PCDHA5: variants seen among roughly 807,000 people sequenced by gnomAD.
PCDHA5 encodes protocadherin alpha 5, also known as protocadherin alpha-5.
A neutral mutation model predicts 61.6 loss-of-function variants in PCDHA5; 43 were observed. The observed-to-expected ratio is 0.70, with a 90% confidence interval of 0.55 to 0.90. PCDHA5 has a LOEUF of 0.90. Among genes scored for constraint, PCDHA5 ranks in the 40% least tolerant of loss-of-function variants. The pLI is 0.00. For synonymous variants in PCDHA5, 627 were observed against 543.9 expected, an observed-to-expected ratio of 1.15 and a Z score of -2.13; for missense variants, 1,298 against 1,222.7, an observed-to-expected ratio of 1.06 and a Z score of -0.92.
chr5:140,863,494 C>T (rs1203332871), intron 1 of PCDHA5: 2 of 442,624 alleles, frequency 4.5e-6, no homozygotes, highest in East Asian at 6.0e-5. Context: ...GTCAACATTA[C>T]GGCTTTTAGT....
intron 1 of PCDHA5, chr5:140,870,708 C>G (rs781841032): frequency 1.8e-5 from 29 of 1,612,898 alleles, no homozygotes; most frequent in Non-Finnish European, 2.5e-5. Context: ...TCCAGGTGAG[C>G]GCGCGCGATG....
chr5:140,848,211 A>C, intron 1 of PCDHA5: 1 of 353,668 alleles, frequency 2.8e-6, no homozygotes, highest in South Asian at 5.2e-5. Context: ...TCATTACTTA[A>C]GAAAAAATTA....
intron 1 of PCDHA5, chr5:140,877,849 TA>T: frequency 6.5e-7 from 1 of 1,545,946 alleles, no homozygotes; most frequent in Non-Finnish European, 8.7e-7. Context: ...AGTAAGTTAT[TA>T]ATATTATTTA....
At chr5:140,860,734 GTTTTTTA>G (rs1404225189) in intron 1 of PCDHA5, 2 of 152,108 alleles carry the variant, frequency 1.3e-5, no homozygotes, top group Non-Finnish European at 2.9e-5. Context: ...TGGTTTTTTT[GTTTTTTA>G]TTTTTTATTT....
chr5:140,972,201 G>A (rs1554233905), intron 1 of PCDHA5, among the ~76,000 whole-genome samples: 1 of 152,058 alleles, frequency 6.6e-6, no homozygotes, highest in African/African-American at 2.4e-5. Flanking sequence ...GAGTATAGGT[G>A]TGAATATGGC....
At chr5:140,876,614 C>G in intron 1 of PCDHA5, 1 of 1,614,130 alleles carries the variant, frequency 6.2e-7, no homozygotes, top group Non-Finnish European at 8.5e-7. Flanking sequence ...GACTCTGGAG[C>G]CAATGGACAG....
Position 140,849,757 on chromosome 5 carries a change from A to G in PCDHA5, c.2352+25630A>G, listed in dbSNP as rs2041104980. ...CTGGACCGCGAGAGTGTGTCCGCCT[A>G]CGAGCTGGTGGTTACCGCGCGGGAC... On this transcript the variant is annotated intron_variant, in intron 1 of 3. Transcript: ENST00000529859. 3.1e-6 allele frequency: 5 copies of G among 1,598,418 alleles called. No homozygotes were observed. The African/African-American group carries it at 6.7e-5, about 21-fold the overall frequency.
Position 140,876,879 on chromosome 5 carries a change from G to C in PCDHA5, c.2352+52752G>C, listed in dbSNP as rs782299548. On this transcript the variant is annotated intron_variant, in intron 1 of 3. Coordinates refer to ENST00000529859, the MANE Select transcript of PCDHA5 (RefSeq NM_018908.3). Reference sequence around the variant, plus strand: ...CAGTGTTCGTGAAGGAGAACAACCCGCCGGGCTGCCACATCTTCACGGTGT... The same window carrying C: ...CAGTGTTCGTGAAGGAGAACAACCCCCCGGGCTGCCACATCTTCACGGTGT... The C allele has an allele frequency of 1.6e-5, 26 of 1,614,032 alleles. 1 individual carries two copies. The highest frequency in any genetic ancestry group is 2.2e-5 in the Non-Finnish European group (26 of 1,180,008).
chr5:140,988,445 A>G (rs1554250148), intron 3 of PCDHA5, among the ~76,000 whole-genome samples: 2 of 152,168 alleles, frequency 1.3e-5, no homozygotes, highest in African/African-American at 2.4e-5. Context: ...ATTGACCTGA[A>G]GGGAGGAAGC....
chr5:140,842,154 C>A, intron 1 of PCDHA5: 1 of 1,613,876 alleles, frequency 6.2e-7, no homozygotes, highest in Non-Finnish European at 8.5e-7. Flanking sequence ...GGGGCAATTT[C>A]ATATTCTTTT....
rs1554138258 is a variant in PCDHA5 at position 140,841,498 on chromosome 5, G to C, written c.2352+17371G>C. ...ACCTGGGGCTGGAGCTGGCGGAGCT[G>C]GTGCCGCGCCTGTTCCGGGTGGCGT... is the stretch of plus-strand genomic sequence containing the variant. On this transcript the variant is annotated intron_variant, in intron 1 of 3. Coordinates refer to ENST00000529859, the MANE Select transcript of PCDHA5 (RefSeq NM_018908.3). 5 of 1,613,284 alleles carry C rather than the reference G, an allele frequency of 3.1e-6. No individual in the cohort carries two copies. The Admixed American group carries it at 6.7e-5, about 22-fold the overall frequency.
intron 1 of PCDHA5, among the ~76,000 whole-genome samples, chr5:140,890,695 A>T (rs1196447488): frequency 6.6e-6 from 1 of 152,200 alleles, no homozygotes; most frequent in Non-Finnish European, 1.5e-5. Context: ...AAATGCAGGG[A>T]CCTTACATTT....
chr5:140,849,729 G>C lies in PCDHA5; in HGVS notation c.2352+25602G>C, dbSNP rs1180272167. 2.5e-6 allele frequency: 4 copies of C among 1,598,492 alleles called. 1 individual carries two copies. Among genetic ancestry groups the C allele is most frequent in the Non-Finnish European group, 3.4e-6 (4 of 1,168,006 alleles). On this transcript the variant is annotated intron_variant, in intron 1 of 3. Coordinates refer to ENST00000529859, the MANE Select transcript of PCDHA5 (RefSeq NM_018908.3). Reference sequence around the variant, plus strand: ...TTACTACTCGTTGGTGCTGGACAGAGCTCTGGACCGCGAGAGTGTGTCCGC... The same window carrying C: ...TTACTACTCGTTGGTGCTGGACAGACCTCTGGACCGCGAGAGTGTGTCCGC...
intron 1 of PCDHA5, among the ~76,000 whole-genome samples, chr5:140,903,637 A>G (rs1290449623): frequency 1.3e-5 from 2 of 152,240 alleles, no homozygotes; most frequent in Non-Finnish European, 1.5e-5. Flanking sequence ...GTATGCATAT[A>G]CCATATACAT....
intron 1 of PCDHA5, among the ~76,000 whole-genome samples, chr5:140,976,780 A>G (rs2096731008): frequency 6.6e-6 from 1 of 152,224 alleles, no homozygotes; most frequent in Non-Finnish European, 1.5e-5. Context: ...CTCTGACTAT[A>G]TAGCTACGCT....
chr5:140,853,245 C>T lies in PCDHA5; in HGVS notation c.2352+29118C>T. On this transcript the variant is annotated intron_variant, in intron 1 of 3. Coordinates refer to ENST00000529859, the MANE Select transcript of PCDHA5 (RefSeq NM_018908.3). ...TGGTAATTTAGTCCTTCATATTAAT[C>T]TCTATTCTCTCTCAGAGTACAAGCT... The T allele has an allele frequency of 2.1e-6, 2 of 975,340 alleles. 1 individual carries two copies. The highest frequency in any genetic ancestry group is 2.5e-6 in the Non-Finnish European group (2 of 808,438). The allele number at this position is 975,340 out of a possible 1,614,324, so 60.4% of individuals were successfully genotyped here.
At chr5:140,841,103 G>T in intron 1 of PCDHA5, 2 of 582,476 alleles carry the variant, frequency 3.4e-6, no homozygotes, top group Non-Finnish European at 5.9e-6. Context: ...AGATATTGCG[G>T]AAGTAATTCA....
intron 3 of PCDHA5, among the ~76,000 whole-genome samples, chr5:140,988,745 G>A (rs943188955): frequency 3.9e-5 from 6 of 152,152 alleles, no homozygotes; most frequent in Non-Finnish European, 5.9e-5. Flanking sequence ...TCTAGGATTG[G>A]TGGCCTGGGC....
intron 1 of PCDHA5, among the ~76,000 whole-genome samples, chr5:140,921,661 A>C (rs1554200347): frequency 1.3e-5 from 2 of 152,226 alleles, no homozygotes; most frequent in African/African-American, 4.8e-5. Context: ...CTTAATAAAA[A>C]TTTAACAGTT....
Sources: gnomAD v4.1 joint callset for allele counts (sites outside exome capture counted in the v4.1 genomes callset) on GRCh38, gnomAD v4.1.1 for gene constraint, MANE v1.5 for transcripts, NCBI Gene and HGNC (gene_info 2026-07-23, HGNC 2026-07-21) for gene names.